MTHFD2: variants seen among roughly 807,000 people sequenced by gnomAD.
MTHFD2 encodes the protein methylenetetrahydrofolate dehydrogenase (NADP+ dependent) 2, methenyltetrahydrofolate cyclohydrolase, also known as bifunctional methylenetetrahydrofolate dehydrogenase/cyclohydrolase, mitochondrial.
In MTHFD2, 26 loss-of-function variants were observed where a neutral mutation model predicts 36.8. That is an observed-to-expected ratio of 0.71 (90% CI 0.52 to 0.98). MTHFD2 has a LOEUF of 0.98. Among genes scored for constraint, MTHFD2 ranks in the 50% least tolerant of loss-of-function variants. The pLI, the probability that MTHFD2 is intolerant of heterozygous loss-of-function variation, is 0.00. For missense variants in MTHFD2, 373 were observed against 434.0 expected (o/e 0.86, Z 1.25); for synonymous variants, 164 against 155.2 (o/e 1.06, Z -0.42).
chr2:74,199,687 G>A, intron 1 of MTHFD2, among the ~76,000 whole-genome samples: 1 of 144,732 alleles, frequency 6.9e-6, no homozygotes, highest in African/African-American at 2.6e-5. Context: ...CAGTCTGGGC[G>A]ACAGAGCGAG....
chr2:74,198,887 G>A (rs1034346581), intron 1 of MTHFD2, 145 bp downstream of exon 1: 12 of 728,276 alleles, frequency 1.6e-5, no homozygotes, highest in Admixed American at 6.7e-5. Flanking sequence ...GGTGTGGCGG[G>A]GCGACGTGGC....
chr2:74,199,150 A>G (rs1693978626), intron 1 of MTHFD2, among the ~76,000 whole-genome samples: 1 of 152,154 alleles, frequency 6.6e-6, no homozygotes, highest in Non-Finnish European at 1.5e-5. Context: ...GAGGGTTCCA[A>G]AAGAGCAGCC....
rs749955033 is a variant in MTHFD2, at chr2:74,206,766, C to T, written c.286+877C>T. Among the ~76,000 whole-genome samples the T allele has an allele frequency of 1.1e-4, 16 of 152,262 alleles. No homozygotes were observed. In the Middle Eastern group the frequency reaches 0.01, roughly 97 times the overall value. On this transcript the variant is annotated intron_variant, in intron 2 of 7. Transcript: ENST00000394053. ...TCTTGTTGCCCAGGCTGGAGTGCAA[C>T]GGCGTGATCTCGGCTCTCCGCAACC...
rs371769755 is a variant in MTHFD2, at chr2:74,214,067, G to A, written c.890-12G>A. The A allele has an allele frequency of 7.1e-5, 115 of 1,610,848 alleles. No individual in the cohort carries two copies. The highest frequency in any genetic ancestry group is 9.4e-5 in the Non-Finnish European group (111 of 1,178,506). ...ATAACTAAAGCAGCCTGCCTGTCTT[G>A]TTTCTATGTAGGAGTCAGACAAAAA... On this transcript the variant is annotated splice_polypyrimidine_tract_variant and intron_variant, in intron 7 of 7. Coordinates refer to ENST00000394053, the MANE Select transcript of MTHFD2 (RefSeq NM_006636.4).
Position 74,214,717 on chromosome 2 carries a change from AAAT to A in MTHFD2, c.*476_*478del, listed in dbSNP as rs1431397593. The A allele has an allele frequency of 2.0e-5, 3 of 152,804 alleles. No homozygotes were observed. The highest frequency in any genetic ancestry group is 2.9e-5 in the Non-Finnish European group (2 of 68,296). 9.5% of individuals were successfully genotyped at this position (152,804 alleles called of 1,614,324 possible). ...AAAATGGTAGTAATTGAGCAGAAAAAAATTAATTTATATATGTATTGATTGGCA... is the reference window on the plus strand; with the variant it reads ...AAAATGGTAGTAATTGAGCAGAAAAATAATTTATATATGTATTGATTGGCA... On this transcript the variant is annotated 3_prime_UTR_variant, in exon 8 of 8. Coordinates refer to ENST00000394053, the MANE Select transcript of MTHFD2 (RefSeq NM_006636.4).
At chr2:74,210,968 G>T (rs1694291704) in intron 5 of MTHFD2, among the ~76,000 whole-genome samples, 1 of 152,134 alleles carries the variant, frequency 6.6e-6, no homozygotes, top group African/African-American at 2.4e-5. Flanking sequence ...TGTATTTTTA[G>T]TAGAGACGGG....
At chr2:74,199,185 C>A (rs1197516913) in intron 1 of MTHFD2, among the ~76,000 whole-genome samples, 1 of 152,168 alleles carries the variant, frequency 6.6e-6, no homozygotes, top group Non-Finnish European at 1.5e-5. Flanking sequence ...CTTGCGGGGA[C>A]CCTAGCGGCG....
chr2:74,210,151 T>C lies in MTHFD2; in HGVS notation c.670+102T>C, dbSNP rs1409918231. The C allele has an allele frequency of 4.6e-6, 4 of 874,846 alleles. No individual in the cohort carries two copies. The African/African-American group carries it at 6.9e-5, about 15-fold the overall frequency. 54.2% of individuals were successfully genotyped at this position (874,846 alleles called of 1,614,324 possible). On this transcript the variant is annotated intron_variant, in intron 5 of 7. Coordinates refer to ENST00000394053, the MANE Select transcript of MTHFD2 (RefSeq NM_006636.4). ...TGGAAGTATTAACTCTGTTATACTT[T>C]GTATTTGTTGAAATTTTGTTAACAG...
chr2:74,212,268 T>C (rs1667227538), intron 7 of MTHFD2, among the ~76,000 whole-genome samples: 1 of 116,712 alleles, frequency 8.6e-6, no homozygotes, highest in South Asian at 3.0e-4. Flanking sequence ...TTTCTCTTTT[T>C]TTTTTTTTTT....
intron 4 of MTHFD2, among the ~76,000 whole-genome samples, chr2:74,209,452 C>G (rs188226831): frequency 1.3e-5 from 2 of 152,018 alleles, no homozygotes; most frequent in East Asian, 3.9e-4. Flanking sequence ...GGGGTTTCAC[C>G]GTGTTAGCCA....
At position 74,214,061 on chromosome 2, in the gene MTHFD2, T is replaced by G; in HGVS notation, c.890-18T>G. 1 of 1,609,216 alleles carries G rather than the reference T, an allele frequency of 6.2e-7. No individual in the cohort carries two copies. Among genetic ancestry groups the G allele is most frequent in the South Asian group, 1.1e-5 (1 of 90,262 alleles). On this transcript the variant is annotated intron_variant, in intron 7 of 7. Transcript: ENST00000394053. Reference sequence around the variant, plus strand: ...TTTGCCATAACTAAAGCAGCCTGCCTGTCTTGTTTCTATGTAGGAGTCAGA... The same window carrying G: ...TTTGCCATAACTAAAGCAGCCTGCCGGTCTTGTTTCTATGTAGGAGTCAGA...
intron 7 of MTHFD2, among the ~76,000 whole-genome samples, chr2:74,213,348 C>T (rs962138643): frequency 2.2e-5 from 3 of 135,626 alleles, no homozygotes; most frequent in Non-Finnish European, 3.0e-5. Context: ...AGGATCTCAG[C>T]TTACTGCAAC....
Position 74,208,681 on chromosome 2 carries a change from G to A in MTHFD2, c.522G>A (p.Pro174=), listed in dbSNP as rs371963078. 1.3e-4 allele frequency: 204 copies of A among 1,613,944 alleles called. No individual in the cohort carries two copies. The highest frequency in any genetic ancestry group is 1.6e-4 in the Non-Finnish European group (189 of 1,180,018). The change falls in exon 4 of 8, where the codon CCG becomes CCA. Residue 174 remains proline, a synonymous_variant. Coordinates refer to ENST00000394053, the MANE Select transcript of MTHFD2 (RefSeq NM_006636.4). ...GTTTGGATCAGTATTCCATGTTACC[G>A]GCTACTCCATGGGGTGTGTGGGAAA... ...RMCLDQYSML[P]ATPWGVWEII...
At chr2:74,201,697 C>A (rs1009889311) in intron 1 of MTHFD2, among the ~76,000 whole-genome samples, 2 of 152,202 alleles carry the variant, frequency 1.3e-5, no homozygotes, top group African/African-American at 4.8e-5. Flanking sequence ...TAAATGTTAG[C>A]TAATATAGTT....
intron 7 of MTHFD2, 78 bp downstream of exon 7, chr2:74,211,944 CTTTTTTTT>C: frequency 1.0e-4 from 47 of 461,320 alleles, no homozygotes; most frequent in Middle Eastern, 1.1e-3. Flanking sequence ...AGATTATTTA[CTTTTTTTT>C]TTTTTTTTTT....
chr2:74,209,176 GT>G (rs1558855863), intron 4 of MTHFD2, among the ~76,000 whole-genome samples: 1 of 151,844 alleles, frequency 6.6e-6, no homozygotes, highest in African/African-American at 2.4e-5. Context: ...GCCCTTAACA[GT>G]TGCCTATGAC....
At chr2:74,210,500 G>A (rs1228495363) in intron 5 of MTHFD2, among the ~76,000 whole-genome samples, 1 of 152,148 alleles carries the variant, frequency 6.6e-6, no homozygotes, top group Non-Finnish European at 1.5e-5. Flanking sequence ...CATAATTATT[G>A]TAATAATGAC....
intron 4 of MTHFD2, among the ~76,000 whole-genome samples, chr2:74,209,292 G>C (rs536519051): frequency 6.6e-6 from 1 of 151,700 alleles, no homozygotes; most frequent in Admixed American, 6.6e-5. Context: ...GCCCAGGCTG[G>C]AGTGCAGTGG....
chr2:74,205,681 TTG>T (rs751517521), intron 1 of MTHFD2, 22 bp from the exon 2 acceptor site: 1 of 1,610,072 alleles, frequency 6.2e-7, no homozygotes, highest in Non-Finnish European at 8.5e-7. Flanking sequence ...TTATTTGGTT[TTG>T]TGACTCTGTT....
Sources: allele counts gnomAD v4.1 joint callset (sites outside exome capture counted in the v4.1 genomes callset), GRCh38; gene constraint gnomAD v4.1.1; transcripts MANE v1.5; gene names NCBI Gene and HGNC (gene_info 2026-07-23, HGNC 2026-07-21).